The following GALNTL6 variants were observed in gnomAD, a reference collection of about 807,000 sequenced individuals.
The protein encoded by GALNTL6 is polypeptide N-acetylgalactosaminyltransferase-like 6.
A neutral mutation model predicts 73.7 loss-of-function variants in GALNTL6; 46 were observed. The ratio of observed to expected loss-of-function variants is 0.62; its 90% confidence interval spans 0.49 to 0.80. GALNTL6 has a LOEUF of 0.80. Ranked by LOEUF, GALNTL6 falls within the 30% of genes least tolerant of loss-of-function variation. GALNTL6 has a pLI of 0.00. For missense variants in GALNTL6, 604 were observed against 755.0 expected (o/e 0.80, Z 2.34); for synonymous variants, 259 against 263.7 (o/e 0.98, Z 0.17).
intron 2 of GALNTL6, among the ~76,000 whole-genome samples, chr4:171,922,132 T>C (rs577779230): frequency 1.1e-4 from 16 of 152,024 alleles, no homozygotes; most frequent in Admixed American, 1.0e-3. Flanking sequence ...CAATTTTGTG[T>C]GGCATATTTA....
At chr4:172,468,847 C>T (rs1293207813) in intron 5 of GALNTL6, among the ~76,000 whole-genome samples, 1 of 152,140 alleles carries the variant, frequency 6.6e-6, no homozygotes, top group African/African-American at 2.4e-5. Context: ...TGAGCCCACC[C>T]TTCTACACTC....
At position 172,648,212 on chromosome 4, in the gene GALNTL6, G is replaced by T. The variant is rs553093425; in HGVS notation, c.554-161149G>T. Among the ~76,000 whole-genome samples the T allele has an allele frequency of 5.9e-5, 9 of 152,214 alleles. No homozygotes were observed. The East Asian group carries it at 1.7e-3, about 29-fold the overall frequency. Reference sequence around the variant, plus strand: ...TGAGCTGGGCTACTGAAGTGAGATTGTTGCTCACTGACTGACGTTTGGAAG... The same window carrying T: ...TGAGCTGGGCTACTGAAGTGAGATTTTTGCTCACTGACTGACGTTTGGAAG... On this transcript the variant is annotated intron_variant, in intron 5 of 12. Transcript: ENST00000506823.
chr4:172,403,277 C>T (rs983312542), intron 5 of GALNTL6, among the ~76,000 whole-genome samples: 2 of 152,000 alleles, frequency 1.3e-5, no homozygotes, highest in African/African-American at 4.8e-5. Flanking sequence ...AATATTTACA[C>T]TGATTCTGAA....
intron 2 of GALNTL6, among the ~76,000 whole-genome samples, chr4:171,865,983 A>T (rs1180277506): frequency 6.6e-6 from 1 of 152,188 alleles, no homozygotes. Flanking sequence ...TATTATGAAG[A>T]GTTGGCATAA....
At chr4:171,996,547 A>G (rs1435501695) in intron 2 of GALNTL6, among the ~76,000 whole-genome samples, 2 of 152,060 alleles carry the variant, frequency 1.3e-5, no homozygotes, top group Admixed American at 6.6e-5. Context: ...CGTTTGTCAC[A>G]GGAGAAGAAT....
chr4:172,249,800 T>C (rs1020671266), intron 3 of GALNTL6, among the ~76,000 whole-genome samples: 1 of 152,056 alleles, frequency 6.6e-6, no homozygotes, highest in African/African-American at 2.4e-5. Context: ...TTGGAAACCT[T>C]CACCTAGATT....
intron 7 of GALNTL6, among the ~76,000 whole-genome samples, chr4:172,830,028 G>A (rs1742535453): frequency 2.0e-5 from 3 of 152,038 alleles, no homozygotes; most frequent in African/African-American, 7.3e-5. Context: ...TCCACCGAAA[G>A]CCTATTTTTC....
intron 5 of GALNTL6, among the ~76,000 whole-genome samples, chr4:172,513,994 G>A (rs1361931948): frequency 6.6e-6 from 1 of 152,152 alleles, no homozygotes; most frequent in East Asian, 1.9e-4. Flanking sequence ...TGTGGGGCAG[G>A]GTTGTTCTTT....
intron 2 of GALNTL6, among the ~76,000 whole-genome samples, chr4:171,886,415 G>T (rs1052568780): frequency 1.3e-5 from 2 of 152,130 alleles, no homozygotes; most frequent in Non-Finnish European, 2.9e-5. Context: ...AAAAGACTGA[G>T]AAGATGTATA....
chr4:172,959,968 T>C (rs909481351), intron 10 of GALNTL6, among the ~76,000 whole-genome samples: 4 of 152,222 alleles, frequency 2.6e-5, no homozygotes, highest in African/African-American at 4.8e-5. Context: ...CAGAAATACA[T>C]TGCTACTTGG....
intron 5 of GALNTL6, among the ~76,000 whole-genome samples, chr4:172,614,180 C>G (rs1738632464): frequency 6.6e-6 from 1 of 152,044 alleles, no homozygotes; most frequent in Non-Finnish European, 1.5e-5. Context: ...CTCTATCCCT[C>G]TCTCTCAATC....
At chr4:172,087,933 A>C (rs1348587932) in intron 2 of GALNTL6, among the ~76,000 whole-genome samples, 1 of 152,170 alleles carries the variant, frequency 6.6e-6, no homozygotes, top group African/African-American at 2.4e-5. Context: ...TTTGGTGTTC[A>C]ATCAAATACT....
At chr4:172,480,367 T>C (rs1005643554) in intron 5 of GALNTL6, among the ~76,000 whole-genome samples, 1 of 152,206 alleles carries the variant, frequency 6.6e-6, no homozygotes, top group Non-Finnish European at 1.5e-5. Flanking sequence ...CCTCTGGTCT[T>C]TTTAACTAAT....
chr4:172,177,774 C>CACACATATATGTGTGTGT (rs1554000064), intron 2 of GALNTL6, among the ~76,000 whole-genome samples: 18 of 99,266 alleles, frequency 1.8e-4, no homozygotes, highest in African/African-American at 2.2e-4. Context: ...TATATGTACA[C>CACACATATATGTGTGTGT]ATATATACAC....
intron 2 of GALNTL6, among the ~76,000 whole-genome samples, chr4:172,135,543 C>T (rs1181324932): frequency 6.6e-6 from 1 of 152,116 alleles, no homozygotes; most frequent in Admixed American, 6.5e-5. Flanking sequence ...GAGAAGCAAA[C>T]TTCTACCAGT....
chr4:172,844,172 G>C (rs566309231), intron 7 of GALNTL6, among the ~76,000 whole-genome samples: 1 of 152,194 alleles, frequency 6.6e-6, no homozygotes, highest in African/African-American at 2.4e-5. Context: ...CTCATACCGC[G>C]TACATTGAGC....
chr4:172,110,531 A>G (rs944116398), intron 2 of GALNTL6, among the ~76,000 whole-genome samples: 1 of 152,208 alleles, frequency 6.6e-6, no homozygotes, highest in Non-Finnish European at 1.5e-5. Context: ...TATATTAGCC[A>G]ACAAGCATTT....
rs183240339 is a variant in GALNTL6, at chr4:172,635,051, A to T, written c.554-174310A>T. ...GTGTCATAATTGAGGACTGCAAACT[A>T]CTCAAAGTCATAATTGTAATTTTGC... On this transcript the variant is annotated intron_variant, in intron 5 of 12. Transcript: ENST00000506823. Among the ~76,000 whole-genome samples the T allele has an allele frequency of 6.0e-4, 91 of 152,314 alleles. 1 individual carries two copies. In the South Asian group the frequency reaches 0.015, roughly 26 times the overall value.
At chr4:172,268,164 A>G (rs1041964386) in intron 3 of GALNTL6, among the ~76,000 whole-genome samples, 2 of 152,210 alleles carry the variant, frequency 1.3e-5, no homozygotes, top group East Asian at 3.9e-4. Flanking sequence ...ATACTACACA[A>G]TAAGTCTGCT....
Sources: gnomAD v4.1 joint callset for allele counts (sites outside exome capture counted in the v4.1 genomes callset) on GRCh38, gnomAD v4.1.1 for gene constraint, MANE v1.5 for transcripts, NCBI Gene and HGNC (gene_info 2026-07-23, HGNC 2026-07-21) for gene names.